The following ARL15 variants were observed in gnomAD, a reference collection of about 807,000 sequenced individuals.
ARL15 encodes the protein ARF like GTPase 15.
ARL15 carries 19 observed loss-of-function variants against 25.2 expected under a neutral mutation model. The observed-to-expected ratio is 0.75, with a 90% CI of 0.53 to 1.10. The LOEUF (loss-of-function observed/expected upper bound fraction) is 1.10. ARL15 is among the 50% of genes least tolerant of loss of function. The probability of loss-of-function intolerance (pLI) is 0.00; values close to 1 mark genes in which losing one functional copy is unlikely to be tolerated. For synonymous variants in ARL15, 94 were observed against 86.8 expected (o/e 1.08, Z -0.46); for missense variants, 220 against 246.0 (o/e 0.89, Z 0.71).
intron 4 of ARL15, among the ~76,000 whole-genome samples, chr5:54,012,802 G>A (rs937500373): frequency 6.6e-6 from 1 of 151,190 alleles, no homozygotes; most frequent in African/African-American, 2.4e-5. Flanking sequence ...GGGATTATAG[G>A]TGTGAGCCAC....
chr5:54,006,936 T>C (rs1477859238), intron 4 of ARL15, among the ~76,000 whole-genome samples: 1 of 151,868 alleles, frequency 6.6e-6, no homozygotes, highest in Non-Finnish European at 1.5e-5. Flanking sequence ...ACTAAAAAAA[T>C]ACAAAATTAG....
chr5:53,911,307 AT>A (rs565571084), intron 4 of ARL15, among the ~76,000 whole-genome samples: 101 of 152,280 alleles, frequency 6.6e-4, no homozygotes, highest in Non-Finnish European at 1.2e-3. Context: ...TTGTTTTACT[AT>A]ATAAAATGAA....
At chr5:54,264,405 C>T (rs892964825) in intron 1 of ARL15, among the ~76,000 whole-genome samples, 9 of 152,144 alleles carry the variant, frequency 5.9e-5, no homozygotes, top group Non-Finnish European at 1.0e-4. Context: ...TAACATTGCC[C>T]TAGGTTAGCC....
intron 4 of ARL15, among the ~76,000 whole-genome samples, chr5:54,008,151 CAA>C (rs1257694626): frequency 2.0e-5 from 3 of 152,182 alleles, no homozygotes; most frequent in African/African-American, 4.8e-5. Context: ...GTTTAAATGC[CAA>C]GAGTCCTCTG....
At chr5:54,085,216 C>T (rs1751929000) in intron 4 of ARL15, among the ~76,000 whole-genome samples, 1 of 152,150 alleles carries the variant, frequency 6.6e-6, no homozygotes, top group Non-Finnish European at 1.5e-5. Context: ...GAATGCTTAG[C>T]AAACTACTGT....
chr5:53,910,248 G>A (rs1255443418), intron 4 of ARL15, among the ~76,000 whole-genome samples: 1 of 152,134 alleles, frequency 6.6e-6, no homozygotes, highest in African/African-American at 2.4e-5. Flanking sequence ...CCTGGGAGAA[G>A]TAATCTTTAG....
intron 1 of ARL15, among the ~76,000 whole-genome samples, chr5:54,177,275 G>A (rs1384652252): frequency 1.3e-5 from 2 of 152,094 alleles, no homozygotes; most frequent in African/African-American, 4.8e-5. Context: ...CTTGAGAGAG[G>A]GCAAAGACCA....
In ARL15 at chr5:54,079,440, C is replaced by T. The variant is rs901711257; in HGVS notation, c.462+33762G>A. Among the ~76,000 whole-genome samples the T allele has an allele frequency of 2.0e-5, 3 of 152,140 alleles. No homozygotes were observed. In the East Asian group the frequency reaches 5.8e-4, roughly 29 times the overall value. ...AATTCCATTGCCTTCTTTTCACTTG[C>T]AAACCTACACAATGTCAACATTTTC... On this transcript the variant is annotated intron_variant, in intron 4 of 4. Coordinates refer to ENST00000504924, the MANE Select transcript of ARL15 (RefSeq NM_019087.3).
At chr5:54,118,394 C>A (rs951743528) in intron 3 of ARL15, among the ~76,000 whole-genome samples, 1 of 152,110 alleles carries the variant, frequency 6.6e-6, no homozygotes, top group Non-Finnish European at 1.5e-5. Context: ...CCAATTTTCT[C>A]ACTATTTTTT....
intron 1 of ARL15, among the ~76,000 whole-genome samples, chr5:54,228,250 T>A (rs1006087688): frequency 1.3e-5 from 2 of 152,128 alleles, no homozygotes; most frequent in Non-Finnish European, 2.9e-5. Flanking sequence ...AGCCTGGCAA[T>A]ATATTCTATG....
chr5:54,014,746 A>G lies in ARL15; in HGVS notation c.462+98456T>C, dbSNP rs182580827. On this transcript the variant is annotated intron_variant, in intron 4 of 4. Transcript: ENST00000504924. ...TCGCCATGTTGGTCAGTCTGGTCTCAAACTCCTGACCTCAGGTGATCCACC... is the reference window on the plus strand; with the variant it reads ...TCGCCATGTTGGTCAGTCTGGTCTCGAACTCCTGACCTCAGGTGATCCACC... Among the ~76,000 whole-genome samples the G allele has an allele frequency of 5.4e-3, 815 of 151,612 alleles. 3 individuals carry two copies. The highest frequency in any genetic ancestry group is 0.011 in the Admixed American group (168 of 15,212).
At chr5:54,006,786 C>T (rs1001541084) in intron 4 of ARL15, among the ~76,000 whole-genome samples, 1 of 152,054 alleles carries the variant, frequency 6.6e-6, no homozygotes, top group East Asian at 1.9e-4. Context: ...AGTGCATTGT[C>T]CATGTGAAGG....
At chr5:53,995,699 C>T (rs1748646760) in intron 4 of ARL15, among the ~76,000 whole-genome samples, 1 of 152,174 alleles carries the variant, frequency 6.6e-6, no homozygotes, top group Non-Finnish European at 1.5e-5. Context: ...ATGCTCCTGG[C>T]ATTTAAGATA....
At chr5:54,045,155 C>A (rs1369863676) in intron 4 of ARL15, among the ~76,000 whole-genome samples, 1 of 152,150 alleles carries the variant, frequency 6.6e-6, no homozygotes. Context: ...CTCCTACCCC[C>A]AATACCAGTA....
chr5:54,185,856 A>G (rs1755222008), intron 1 of ARL15, among the ~76,000 whole-genome samples: 1 of 152,214 alleles, frequency 6.6e-6, no homozygotes, highest in Non-Finnish European at 1.5e-5. Flanking sequence ...CTCATAGTAG[A>G]TAATTAAAGA....
At chr5:54,110,593 T>G (rs1752711456) in intron 4 of ARL15, among the ~76,000 whole-genome samples, 1 of 152,014 alleles carries the variant, frequency 6.6e-6, no homozygotes, top group South Asian at 2.1e-4. Context: ...ACCATCTTTT[T>G]AGCATTGGTA....
chr5:54,248,192 A>G (rs1757143154), intron 1 of ARL15, among the ~76,000 whole-genome samples: 1 of 152,174 alleles, frequency 6.6e-6, no homozygotes, highest in African/African-American at 2.4e-5. Flanking sequence ...GTTTCTGAAG[A>G]TGGAGCATTT....
At chr5:54,299,379 C>G (rs1179179635) in intron 1 of ARL15, among the ~76,000 whole-genome samples, 1 of 152,152 alleles carries the variant, frequency 6.6e-6, no homozygotes, top group East Asian at 1.9e-4. Context: ...AATGTGAGCT[C>G]AAACATTAGC....
At chr5:54,180,974 A>T (rs1223344535) in intron 1 of ARL15, among the ~76,000 whole-genome samples, 1 of 152,166 alleles carries the variant, frequency 6.6e-6, no homozygotes, top group African/African-American at 2.4e-5. Context: ...CGTGGCTCCC[A>T]GTCTGCATCA....
Sources: gnomAD v4.1 joint callset for allele counts (sites outside exome capture counted in the v4.1 genomes callset) on GRCh38, gnomAD v4.1.1 for gene constraint, MANE v1.5 for transcripts, NCBI Gene and HGNC (gene_info 2026-07-23, HGNC 2026-07-21) for gene names.